HSF5: variants seen among roughly 807,000 people sequenced by gnomAD.
HSF5 encodes the protein heat shock factor protein 5.
HSF5 carries 5 observed loss-of-function variants against 50.8 expected under a neutral mutation model. The ratio of observed to expected loss-of-function variants is 0.10; its 90% CI spans 0.05 to 0.21. HSF5 has a LOEUF of 0.21. Among genes scored for constraint, HSF5 ranks in the 10% least tolerant of loss-of-function variants. HSF5 has a pLI of 1.00. For synonymous variants in HSF5, 307 were observed against 307.4 expected (o/e 1.00, Z 0.02); for missense variants, 564 against 762.6 (o/e 0.74, Z 3.07).
At chr17:58,455,908 T>C (rs888172641) in intron 5 of HSF5, among the ~76,000 whole-genome samples, 4 of 152,054 alleles carry the variant, frequency 2.6e-5, no homozygotes, top group African/African-American at 9.7e-5. Context: ...CATAGCATTA[T>C]AGAAAAACAG....
At chr17:58,485,994 G>C (rs568092915) in intron 1 of HSF5, among the ~76,000 whole-genome samples, 1 of 152,104 alleles carries the variant, frequency 6.6e-6, no homozygotes, top group Admixed American at 6.5e-5. Flanking sequence ...ACTTGAACCC[G>C]GGAGGCAGAG....
In HSF5 at chr17:58,487,804, G is replaced by A; in HGVS notation, c.471C>T (p.Ile157=). 1 of 1,552,426 alleles carries A rather than the reference G, an allele frequency of 6.4e-7. No individual in the cohort carries two copies. Among genetic ancestry groups the A allele is most frequent in the East Asian group, 2.4e-5 (1 of 40,930 alleles). ...GCGCGGTGGCGGCGGAGGCCGAGGT[G>A]ATGAGCAGCCGCTGGAAGCGGTTGG... is the stretch of plus-strand genomic sequence containing the variant. ...RPPNRFQRLL[I]TSASAATAPL... Residue 157 remains isoleucine, a synonymous_variant, in exon 1 of 6, where the codon ATC becomes ATT. Coordinates refer to ENST00000323777, the MANE Select transcript of HSF5 (RefSeq NM_001080439.3).
chr17:58,469,095 A>AG (rs1163153383), intron 2 of HSF5, among the ~76,000 whole-genome samples: 1 of 141,446 alleles, frequency 7.1e-6, no homozygotes, highest in Non-Finnish European at 1.6e-5. Flanking sequence ...AAACTCGGGA[A>AG]GGGAAAAAAA....
intron 5 of HSF5, among the ~76,000 whole-genome samples, chr17:58,431,541 T>C (rs1026207381): frequency 1.3e-5 from 2 of 152,224 alleles, no homozygotes; most frequent in African/African-American, 4.8e-5. Flanking sequence ...TGAATGTCAT[T>C]ATGCCGTGCA....
Position 58,461,922 on chromosome 17 carries a change from C to T in HSF5, c.1542+860G>A, listed in dbSNP as rs146851490. 5.8e-3 allele frequency among the ~76,000 whole-genome samples: 885 copies of T among 152,148 alleles called. 5 individuals carry two copies. Among genetic ancestry groups the T allele is most frequent in the African/African-American group, 9.4e-3 (389 of 41,512 alleles). Reference sequence around the variant, plus strand: ...ATTTTTTTGGTATTATTTTAAGAGGCACAGGTACAGTTTTATTACATGGAT... The same window carrying T: ...ATTTTTTTGGTATTATTTTAAGAGGTACAGGTACAGTTTTATTACATGGAT... On this transcript the variant is annotated intron_variant, in intron 4 of 5. Coordinates refer to ENST00000323777, the MANE Select transcript of HSF5 (RefSeq NM_001080439.3).
intron 5 of HSF5, among the ~76,000 whole-genome samples, chr17:58,439,748 T>G (rs1974475507): frequency 6.6e-6 from 1 of 152,166 alleles, no homozygotes; most frequent in African/African-American, 2.4e-5. Flanking sequence ...CCTCCCAAAG[T>G]GCTGGGATTA....
chr17:58,422,058 G>T lies in HSF5; in HGVS notation c.*302C>A. 1 of 282,168 alleles carries T rather than the reference G, an allele frequency of 3.5e-6. No homozygotes were observed. The highest frequency in any genetic ancestry group is 6.8e-6 in the Non-Finnish European group (1 of 147,584). The allele number at this position is 282,168 out of a possible 1,614,324, so 17.5% of individuals were successfully genotyped here. On this transcript the variant is annotated 3_prime_UTR_variant, in exon 6 of 6. Transcript: ENST00000323777. Reference sequence around the variant, plus strand: ...GATTATTCTTAGTACCATAGATGGAGCAGTTTTTAGATGCTCCTTGACTAT... The same window carrying T: ...GATTATTCTTAGTACCATAGATGGATCAGTTTTTAGATGCTCCTTGACTAT...
chr17:58,432,752 T>G (rs1223621149), intron 5 of HSF5, among the ~76,000 whole-genome samples: 3 of 152,174 alleles, frequency 2.0e-5, no homozygotes, highest in African/African-American at 7.2e-5. Context: ...AAGAGATCAC[T>G]CTGGCAGAAA....
rs900926584 is a variant in HSF5, at chr17:58,479,927, G to C, written c.891C>G (p.Pro297=). ...AGTAGGCTTGCGAGTACTGTGCTGA[G>C]GGTGTGTAGTTACTGTATTTTTGGG... is the stretch of plus-strand genomic sequence containing the variant. ...SSSQKYSNYT[P]SAQYSQAYYP... The change falls in exon 2 of 6, where the codon CCC becomes CCG. Residue 297 remains proline, a synonymous_variant. Transcript: ENST00000323777. The C allele has an allele frequency of 1.9e-6, 3 of 1,613,730 alleles. No homozygotes were observed. The African/African-American group carries it at 4.0e-5, about 22-fold the overall frequency.
intron 5 of HSF5, among the ~76,000 whole-genome samples, chr17:58,453,086 G>A (rs999394462): frequency 2.0e-5 from 3 of 152,142 alleles, no homozygotes; most frequent in Non-Finnish European, 4.4e-5. Flanking sequence ...AGGCCTGATG[G>A]CTTCACTGCT....
intron 1 of HSF5, among the ~76,000 whole-genome samples, chr17:58,481,575 G>C (rs1337946556): frequency 6.6e-6 from 1 of 152,188 alleles, no homozygotes; most frequent in Admixed American, 6.5e-5. Flanking sequence ...AACTTATTAT[G>C]TGCTACTCAA....
chr17:58,487,092 G>A (rs1353202747), intron 1 of HSF5, among the ~76,000 whole-genome samples: 1 of 151,950 alleles, frequency 6.6e-6, no homozygotes, highest in Non-Finnish European at 1.5e-5. Context: ...ATTTTTAGTA[G>A]AGACGAGGTT....
rs374134146 is a variant in HSF5 at position 58,438,960 on chromosome 17, TA to T, written c.1721-16531del. Among the ~76,000 whole-genome samples the T allele has an allele frequency of 7.0e-3, 1,055 of 150,640 alleles. 9 individuals are homozygous for T. The highest frequency in any genetic ancestry group is 0.024 in the African/African-American group (990 of 41,050). ...AGTGAGACTCCATCTCTTTGAAAAG[TA>T]AAAAAAAATCAGCTAGGTGTGGTGG... is the stretch of plus-strand genomic sequence containing the variant. On this transcript the variant is annotated intron_variant, in intron 5 of 5. Transcript: ENST00000323777.
At chr17:58,449,088 A>T (rs1421681520) in intron 5 of HSF5, among the ~76,000 whole-genome samples, 1 of 152,218 alleles carries the variant, frequency 6.6e-6, no homozygotes, top group Non-Finnish European at 1.5e-5. Context: ...TTATAACTGT[A>T]AGATGTTTTT....
At chr17:58,478,403 G>A (rs1479327397) in intron 2 of HSF5, among the ~76,000 whole-genome samples, 1 of 148,958 alleles carries the variant, frequency 6.7e-6, no homozygotes. Flanking sequence ...CTGGAACCAA[G>A]GAGGTGGAGG....
At chr17:58,434,809 C>T (rs1222382054) in intron 5 of HSF5, among the ~76,000 whole-genome samples, 1 of 152,194 alleles carries the variant, frequency 6.6e-6, no homozygotes, top group Non-Finnish European at 1.5e-5. Context: ...GCTGTATTCA[C>T]ACCACTACAC....
chr17:58,479,982 T>G lies in HSF5; in HGVS notation c.836A>C (p.Gln279Pro). ...GCTGACCATTGTTTGAGGACCTTGT[T>G]GAACATGTACAGATGTGGTGCTGGG... ...LQPSTTSVHV[Q>P]QGPQTMVSSS... The change falls in exon 2 of 6, where the codon CAA (glutamine) becomes CCA (proline). Residue 279 changes from glutamine (Q) to proline (P), a missense_variant. Physicochemically the swap from Gln to Pro is moderately conservative, Grantham distance 76. This residue lies in a region of HSF5 where 441 missense variants were observed against 533.6 expected (regional missense o/e 0.83). Coordinates refer to ENST00000323777, the MANE Select transcript of HSF5 (RefSeq NM_001080439.3). The G allele has an allele frequency of 6.2e-7, 1 of 1,614,146 alleles. No individual in the cohort carries two copies. Among genetic ancestry groups the G allele is most frequent in the Non-Finnish European group, 8.5e-7 (1 of 1,180,016 alleles).
chr17:58,450,922 C>G (rs1974632335), intron 5 of HSF5, among the ~76,000 whole-genome samples: 1 of 151,386 alleles, frequency 6.6e-6, no homozygotes, highest in African/African-American at 2.4e-5. Flanking sequence ...AATCCTGTCT[C>G]TACTAAAAAT....
intron 5 of HSF5, among the ~76,000 whole-genome samples, chr17:58,448,375 T>G (rs180847596): frequency 6.6e-5 from 10 of 152,076 alleles, no homozygotes; most frequent in Admixed American, 3.9e-4. Context: ...AATATTCAGG[T>G]ACAAGAAGGT....
Sources: gnomAD v4.1 joint callset for allele counts (sites outside exome capture counted in the v4.1 genomes callset) on GRCh38, gnomAD v4.1.1 for gene constraint, gnomAD v4.1.1 regional missense constraint, MANE v1.5 for transcripts, NCBI Gene and HGNC (gene_info 2026-07-23, HGNC 2026-07-21) for gene names.